The following CELF5 variants were observed in gnomAD, a reference collection of about 807,000 sequenced individuals.
The protein encoded by CELF5 is CUGBP Elav-like family member 5.
CELF5 carries 6 observed loss-of-function variants against 54.9 expected under a neutral mutation model. That is an observed-to-expected ratio of 0.11 (90% confidence interval 0.06 to 0.22). The LOEUF (loss-of-function observed/expected upper bound fraction) is 0.22. Ranked by LOEUF, CELF5 falls within the 10% of genes least tolerant of loss-of-function variation. The pLI is 1.00. For missense variants in CELF5, 401 were observed against 678.6 expected (o/e 0.59, Z 4.54); for synonymous variants, 271 against 290.9 (o/e 0.93, Z 0.70).
At chr19:3,284,227 G>C (rs530725076) in intron 8 of CELF5, among the ~76,000 whole-genome samples, 1 of 152,020 alleles carries the variant, frequency 6.6e-6, no homozygotes, top group African/African-American at 2.4e-5. Context: ...TTTTGTCACA[G>C]ATGCAGACTT....
rs60632293 is a variant in CELF5, at chr19:3,228,875, CGTGTGTGTGTGT to C, written c.259+3906_259+3917del. ...GGGGGTGGCTGGCAGGGTTGGCCGG[CGTGTGTGTGTGT>C]GTGTGTGTGTGTGTGTGTGTGTGTG... On this transcript the variant is annotated intron_variant, in intron 1 of 12. Transcript: ENST00000292672. The surrounding 1 kb of genome is among the most constrained non-coding windows in gnomAD (Gnocchi z 6.0). Among the ~76,000 whole-genome samples the C allele has an allele frequency of 3.4e-4, 42 of 124,178 alleles. No homozygotes were observed. The East Asian group carries it at 4.8e-3, about 14-fold the overall frequency. 81.5% of individuals were successfully genotyped at this position (124,178 alleles called of 152,430 possible). A position where few individuals can be genotyped will look rare whatever the true frequency, so the allele number is the denominator to read the frequency against.
rs112499585 is a variant in CELF5 at position 3,226,267 on chromosome 19, TTGAATGAATGAATGAA to T, written c.259+1290_259+1305del. On this transcript the variant is annotated intron_variant, in intron 1 of 12. Coordinates refer to ENST00000292672, the MANE Select transcript of CELF5 (RefSeq NM_021938.4). ...AATGCATGTTTATTGAATGAATGAA[TTGAATGAATGAATGAA>T]TGAATGAATGAATGAATGAAGGGGT... 4.0e-5 allele frequency among the ~76,000 whole-genome samples: 6 copies of T among 150,276 alleles called. No homozygotes were observed. The East Asian group carries it at 8.0e-4, about 20-fold the overall frequency.
chr19:3,225,701 C>G (rs1916868204), intron 1 of CELF5: 1 of 501,972 alleles, frequency 2.0e-6, no homozygotes, highest in South Asian at 8.4e-5. Context: ...CGGAGAGGCT[C>G]CCGTCGCTGC....
At chr19:3,290,603 G>A (rs1320145056) in intron 11 of CELF5, among the ~76,000 whole-genome samples, 4 of 142,712 alleles carry the variant, frequency 2.8e-5, no homozygotes, top group Non-Finnish European at 6.0e-5. Flanking sequence ...TCGCTCTGTC[G>A]CCCAGGCTGG....
At chr19:3,239,221 C>G (rs560039615) in intron 1 of CELF5, among the ~76,000 whole-genome samples, 2 of 151,106 alleles carry the variant, frequency 1.3e-5, no homozygotes, top group Admixed American at 6.6e-5. Flanking sequence ...CGCCTCAGCC[C>G]GTTTAGTAGC....
At position 3,228,490 on chromosome 19, in the gene CELF5, G is replaced by C. The variant is rs1917053718; in HGVS notation, c.259+3492G>C. On this transcript the variant is annotated intron_variant, in intron 1 of 12. Coordinates refer to ENST00000292672, the MANE Select transcript of CELF5 (RefSeq NM_021938.4). This position sits in a 1 kb window ranked among gnomAD's most constrained non-coding sequence, Gnocchi z 6.0. Reference sequence around the variant, plus strand: ...TGGGTGCCCACCCTGCCAGGGGAAGGTGCCCACGGTGGTACTGGTCCGCCG... The same window carrying C: ...TGGGTGCCCACCCTGCCAGGGGAAGCTGCCCACGGTGGTACTGGTCCGCCG... Among the ~76,000 whole-genome samples, 1 of 152,214 alleles carries C rather than the reference G, an allele frequency of 6.6e-6. No individual in the cohort carries two copies. Among genetic ancestry groups the C allele is most frequent in the Non-Finnish European group, 1.5e-5 (1 of 68,038 alleles).
intron 2 of CELF5, among the ~76,000 whole-genome samples, chr19:3,253,515 G>T (rs80050471): frequency 6.6e-6 from 1 of 152,096 alleles, no homozygotes; most frequent in Non-Finnish European, 1.5e-5. Context: ...CCCAGCACAC[G>T]TAACCAAAGA....
At chr19:3,244,959 CTTGTCTGCG>C (rs2079544341) in intron 1 of CELF5, among the ~76,000 whole-genome samples, 1 of 128,332 alleles carries the variant, frequency 7.8e-6, no homozygotes, top group African/African-American at 3.0e-5. Flanking sequence ...GTGCATGCAT[CTTGTCTGCG>C]TGTGTGTGTG....
At chr19:3,248,992 C>T (rs2079610952) in intron 1 of CELF5, among the ~76,000 whole-genome samples, 1 of 150,938 alleles carries the variant, frequency 6.6e-6, no homozygotes. Context: ...TGCCTGGTAC[C>T]CCCAGGGTTC....
At chr19:3,296,434 G>GAAAAAAAAAAAAAAAAAAAAAGAAAAGA (rs2080450767) in intron 12 of CELF5, 1 of 54,864 alleles carries the variant, frequency 1.8e-5, no homozygotes, top group African/African-American at 7.1e-5. Flanking sequence ...AAACCACACA[G>GAAAAAAAAAAAAAAAAAAAAAGAAAAGA]AAAAAAAAAA....
intron 2 of CELF5, among the ~76,000 whole-genome samples, chr19:3,267,089 ATGTGTG>A (rs72295446): frequency 0.28 from 40,801 of 147,096 alleles, 6,735 homozygotes; most frequent in East Asian, 0.76. Flanking sequence ...GCGTGTGTGC[ATGTGTG>A]TGTGTGTGTG....
At chr19:3,263,418 A>G (rs2079833873) in intron 2 of CELF5, among the ~76,000 whole-genome samples, 1 of 148,202 alleles carries the variant, frequency 6.7e-6, no homozygotes, top group South Asian at 2.1e-4. Context: ...AAAATTAGCC[A>G]GGCATGGTGT....
chr19:3,241,209 G>A (rs570204242), intron 1 of CELF5, among the ~76,000 whole-genome samples: 2 of 151,342 alleles, frequency 1.3e-5, no homozygotes, highest in Middle Eastern at 3.4e-3. Context: ...TTACAGGCAC[G>A]AACCACCACG....
intron 1 of CELF5, among the ~76,000 whole-genome samples, chr19:3,242,121 A>G (rs2079499667): frequency 6.6e-6 from 1 of 152,192 alleles, no homozygotes; most frequent in South Asian, 2.1e-4. Flanking sequence ...CAGGTACGGC[A>G]AGAGGCTGTG....
At chr19:3,247,668 C>T (rs771094011) in intron 1 of CELF5, among the ~76,000 whole-genome samples, 6 of 151,828 alleles carry the variant, frequency 4.0e-5, no homozygotes, top group African/African-American at 1.5e-4. Flanking sequence ...TGCACGCTTA[C>T]GTGTTCTGCA....
chr19:3,278,491 A>C lies in CELF5; in HGVS notation c.603+381A>C, dbSNP rs1023494601. On this transcript the variant is annotated intron_variant, in intron 5 of 12. Coordinates refer to ENST00000292672, the MANE Select transcript of CELF5 (RefSeq NM_021938.4). This position sits in a 1 kb window ranked among gnomAD's most constrained non-coding sequence, Gnocchi z 4.5. ...CGAGTGTTATGTGAGTGCTGTGTGC[A>C]CGAGGGGTGTGCGTAAATATGTATG... Among the ~76,000 whole-genome samples the C allele has an allele frequency of 1.3e-5, 2 of 151,824 alleles. No individual in the cohort carries two copies. Among genetic ancestry groups the C allele is most frequent in the African/African-American group, 4.8e-5 (2 of 41,314 alleles).
At chr19:3,284,462 C>T (rs536453333) in intron 8 of CELF5, among the ~76,000 whole-genome samples, 1 of 152,262 alleles carries the variant, frequency 6.6e-6, no homozygotes, top group East Asian at 1.9e-4. Context: ...AGCAGGAAGG[C>T]TACAGCTAGA....
intron 1 of CELF5, among the ~76,000 whole-genome samples, chr19:3,239,167 A>T (rs1420768918): frequency 6.6e-6 from 1 of 152,064 alleles, no homozygotes; most frequent in African/African-American, 2.4e-5. Context: ...TGGTATGATC[A>T]TAGCTTGCTG....
At chr19:3,249,491 C>T (rs1488707933) in intron 1 of CELF5, among the ~76,000 whole-genome samples, 1 of 152,038 alleles carries the variant, frequency 6.6e-6, no homozygotes, top group Non-Finnish European at 1.5e-5. Context: ...GGGCTGGCCC[C>T]GCCCCTCGCT....
Sources: allele counts gnomAD v4.1 joint callset (sites outside exome capture counted in the v4.1 genomes callset), GRCh38; gene constraint gnomAD v4.1.1; non-coding constraint Gnocchi (gnomAD v3.1); transcripts MANE v1.5; gene names NCBI Gene and HGNC (gene_info 2026-07-23, HGNC 2026-07-21).